The following BCAS3 variants were observed in gnomAD, a reference collection of about 807,000 sequenced individuals.
The protein encoded by BCAS3 is BCAS3 microtubule associated cell migration factor, also known as BCAS4/BCAS3 fusion.
A neutral mutation model predicts 116.1 loss-of-function variants in BCAS3; 53 were observed. That is an observed-to-expected ratio of 0.46 (90% CI 0.37 to 0.57). The LOEUF (loss-of-function observed/expected upper bound fraction) is 0.57, where lower values mean the gene tolerates loss of function less well. Among genes scored for constraint, BCAS3 ranks in the 20% least tolerant of loss-of-function variants. BCAS3 has a pLI of 0.00. For missense variants in BCAS3, 917 were observed against 1,165.4 expected, an observed-to-expected ratio of 0.79 and a Z score of 3.10; for synonymous variants, 391 against 408.2, an observed-to-expected ratio of 0.96 and a Z score of 0.51.
chr17:61,165,173 A>G (rs982641457), intron 22 of BCAS3, among the ~76,000 whole-genome samples: 8 of 152,172 alleles, frequency 5.3e-5, no homozygotes, highest in Non-Finnish European at 7.4e-5. Context: ...GTATATTTCA[A>G]AGGAAGCTCT....
At chr17:60,839,862 T>C (rs1471043639) in intron 7 of BCAS3, among the ~76,000 whole-genome samples, 1 of 152,206 alleles carries the variant, frequency 6.6e-6, no homozygotes, top group Non-Finnish European at 1.5e-5. Flanking sequence ...TGCACATTCT[T>C]GGAAAATGTC....
At position 61,139,054 on chromosome 17, in the gene BCAS3, G is replaced by C. The variant is rs963108507; in HGVS notation, c.2425+54490G>C. On this transcript the variant is annotated intron_variant, in intron 22 of 23. Coordinates refer to ENST00000407086, the MANE Select transcript of BCAS3 (RefSeq NM_017679.5). The surrounding 1 kb of genome is among the most constrained non-coding windows in gnomAD (Gnocchi z 4.7). The stretch of plus-strand genomic sequence containing the variant: ...TTACATTTGTTTATTAAATCTATTA[G>C]ATCTAGAAAAAATTAGAGACAGAGA... Among the ~76,000 whole-genome samples, 1 of 152,036 alleles carries C rather than the reference G, an allele frequency of 6.6e-6. No individual in the cohort carries two copies. Among genetic ancestry groups the C allele is most frequent in the Non-Finnish European group, 1.5e-5 (1 of 67,988 alleles).
rs550017068 is a variant in BCAS3, at chr17:61,315,487, G to A, written c.2426-52840G>A. On this transcript the variant is annotated intron_variant, in intron 22 of 23. Coordinates refer to ENST00000407086, the MANE Select transcript of BCAS3 (RefSeq NM_017679.5). The surrounding 1 kb of genome is among the most constrained non-coding windows in gnomAD (Gnocchi z 5.3). The stretch of plus-strand genomic sequence containing the variant: ...CTCGGAGCGGACGCTAGCTGGCAGC[G>A]GTGCCATTGCTTTCGCCTCAGGCTT... Among the ~76,000 whole-genome samples, 21 of 152,346 alleles carry A rather than the reference G, an allele frequency of 1.4e-4. No homozygotes were observed. Among genetic ancestry groups the A allele is most frequent in the East Asian group, 5.8e-4 (3 of 5,174 alleles).
At chr17:61,099,648 C>T (rs1266468777) in intron 22 of BCAS3, among the ~76,000 whole-genome samples, 1 of 152,158 alleles carries the variant, frequency 6.6e-6, no homozygotes, top group Non-Finnish European at 1.5e-5. Flanking sequence ...AGCTTTCGTT[C>T]TATTAGGCTT....
In BCAS3 at chr17:61,108,305, T is replaced by C. The variant is rs142910758; in HGVS notation, c.2425+23741T>C. On this transcript the variant is annotated intron_variant, in intron 22 of 23. Coordinates refer to ENST00000407086, the MANE Select transcript of BCAS3 (RefSeq NM_017679.5). The stretch of plus-strand genomic sequence containing the variant: ...TTTAGTTTCAGTGTGTCTGTATCAT[T>C]ATATTTGATATGTTTTAAATGAATT... Among the ~76,000 whole-genome samples, 411 of 152,312 alleles carry C rather than the reference T, an allele frequency of 2.7e-3. 1 individual carries two copies. Among genetic ancestry groups the C allele is most frequent in the African/African-American group, 9.2e-3 (381 of 41,576 alleles).
At chr17:60,802,565 C>G (rs1018817101) in intron 6 of BCAS3, among the ~76,000 whole-genome samples, 1 of 152,046 alleles carries the variant, frequency 6.6e-6, no homozygotes, top group Non-Finnish European at 1.5e-5. Flanking sequence ...TTCCAGATGA[C>G]TATTAATCCT....
intron 7 of BCAS3, among the ~76,000 whole-genome samples, chr17:60,841,687 T>C (rs1347037805): frequency 6.6e-6 from 1 of 151,810 alleles, no homozygotes; most frequent in African/African-American, 2.4e-5. Flanking sequence ...GCCTATCTTC[T>C]CATAGTTTCT....
chr17:60,997,347 C>T (rs1401693424), intron 15 of BCAS3, among the ~76,000 whole-genome samples: 2 of 152,086 alleles, frequency 1.3e-5, no homozygotes, highest in African/African-American at 2.4e-5. Context: ...ATGGTAAGTT[C>T]CTGGTCCCAG....
intron 9 of BCAS3, among the ~76,000 whole-genome samples, chr17:60,876,399 A>G (rs1303486012): frequency 1.3e-5 from 2 of 152,004 alleles, no homozygotes; most frequent in Non-Finnish European, 2.9e-5. Context: ...TTTTAATCCT[A>G]TATATCTTTC....
At chr17:60,920,996 G>A (rs1174289433) in intron 12 of BCAS3, among the ~76,000 whole-genome samples, 1 of 152,192 alleles carries the variant, frequency 6.6e-6, no homozygotes, top group Admixed American at 6.5e-5. Context: ...TTCAGCCACT[G>A]TGGAAAGCAG....
chr17:61,028,596 A>G lies in BCAS3; in HGVS notation c.1638-6070A>G. ...GTTTTGCATAGAAGTAAAAGATGGA[A>G]TAACAACTGTTGTATGTTAAGTAAG... On this transcript the variant is annotated intron_variant, in intron 16 of 23. Transcript: ENST00000407086. This position sits in a 1 kb window ranked among gnomAD's most constrained non-coding sequence, Gnocchi z 4.3. Among the ~76,000 whole-genome samples the G allele has an allele frequency of 6.6e-6, 1 of 152,068 alleles. No homozygotes were observed. The highest frequency in any genetic ancestry group is 2.1e-4 in the South Asian group (1 of 4,832).
rs575357728 is a variant in BCAS3 at position 61,385,412 on chromosome 17, G to A, written c.2594-6565G>A. Among the ~76,000 whole-genome samples, 16 of 152,304 alleles carry A rather than the reference G, an allele frequency of 1.1e-4. 1 individual carries two copies. In the South Asian group the frequency reaches 2.9e-3, roughly 28 times the overall value. ...AGGCCCCTTGCTGACCAAGTTGATC[G>A]CTTGGGGCAGACCCCATATGGTTCA... is the stretch of plus-strand genomic sequence containing the variant. On this transcript the variant is annotated intron_variant, in intron 23 of 23. Coordinates refer to ENST00000407086, the MANE Select transcript of BCAS3 (RefSeq NM_017679.5).
At chr17:60,966,224 G>C (rs897306539) in intron 14 of BCAS3, among the ~76,000 whole-genome samples, 1 of 152,116 alleles carries the variant, frequency 6.6e-6, no homozygotes, top group Non-Finnish European at 1.5e-5. Context: ...GTCTTTATAG[G>C]TGAAGTGGAT....
intron 22 of BCAS3, among the ~76,000 whole-genome samples, chr17:61,179,398 A>G (rs2079341372): frequency 6.6e-6 from 1 of 152,092 alleles, no homozygotes; most frequent in Non-Finnish European, 1.5e-5. Context: ...CATGTGGAAA[A>G]GTAAGAACTG....
At chr17:61,009,656 G>A (rs2064973805) in intron 15 of BCAS3, among the ~76,000 whole-genome samples, 2 of 151,800 alleles carry the variant, frequency 1.3e-5, no homozygotes, top group African/African-American at 2.4e-5. Context: ...TTTGTATCTC[G>A]GAAGAAAGAC....
At chr17:60,900,795 CT>C (rs1421330627) in intron 10 of BCAS3, among the ~76,000 whole-genome samples, 1 of 151,536 alleles carries the variant, frequency 6.6e-6, no homozygotes, top group Non-Finnish European at 1.5e-5. Flanking sequence ...TCTGACTCAT[CT>C]TTGATTTTGT....
intron 19 of BCAS3, among the ~76,000 whole-genome samples, chr17:61,057,469 G>A (rs562103053): frequency 3.7e-4 from 56 of 152,336 alleles, no homozygotes; most frequent in Middle Eastern, 6.8e-3. Context: ...GTTACCTTGA[G>A]TGAGTCATTG....
chr17:61,152,657 G>A (rs2077604905), intron 22 of BCAS3, among the ~76,000 whole-genome samples: 1 of 151,896 alleles, frequency 6.6e-6, no homozygotes, highest in African/African-American at 2.4e-5. Context: ...CCAGTTCTAA[G>A]TTTCAATCTT....
At chr17:61,386,520 C>T (rs1490611690) in intron 23 of BCAS3, among the ~76,000 whole-genome samples, 1 of 152,220 alleles carries the variant, frequency 6.6e-6, no homozygotes, top group African/African-American at 2.4e-5. Flanking sequence ...ATGTACAGAG[C>T]CGTGGACGCT....
Sources: allele counts gnomAD v4.1 joint callset (sites outside exome capture counted in the v4.1 genomes callset), GRCh38; gene constraint gnomAD v4.1.1; non-coding constraint Gnocchi (gnomAD v3.1); transcripts MANE v1.5; gene names NCBI Gene and HGNC (gene_info 2026-07-23, HGNC 2026-07-21).